ZNF124: variants seen among roughly 807,000 people sequenced by gnomAD.
The protein encoded by ZNF124 is zinc finger protein HZF-16.
ZNF124 carries 25 observed loss-of-function variants against 26.6 expected under a neutral mutation model. The observed-to-expected ratio is 0.94, with a 90% confidence interval of 0.68 to 1.31. The LOEUF is 1.31. ZNF124 is among the 40% of genes most tolerant of loss of function. The pLI is 0.00. For missense variants in ZNF124, 444 were observed against 422.2 expected, an observed-to-expected ratio of 1.05 and a Z score of -0.45; for synonymous variants, 129 against 133.3, an observed-to-expected ratio of 0.97 and a Z score of 0.22.
chr1:247,163,186 C>T (rs1673582567), intron 1 of ZNF124, among the ~76,000 whole-genome samples: 1 of 152,026 alleles, frequency 6.6e-6, no homozygotes, highest in South Asian at 2.1e-4. Flanking sequence ...TAAATGCCCA[C>T]ATCAAAAACT....
rs1287151183 is a variant in ZNF124 at position 247,170,641 on chromosome 1, T to G, written c.30+1207A>C. ...AGACTCACGTCTCCAAAAACCCAGC[T>G]CCCCAAGTGAGCAATTCCTGTCCCT... is the stretch of plus-strand genomic sequence containing the variant. On this transcript the variant is annotated intron_variant, in intron 1 of 3. Transcript: ENST00000543802. 2.1e-5 allele frequency among the ~76,000 whole-genome samples: 3 copies of G among 142,794 alleles called. 1 individual carries two copies. Among genetic ancestry groups the G allele is most frequent in the African/African-American group, 8.6e-5 (3 of 34,862 alleles). 93.7% of individuals were successfully genotyped at this position (142,794 alleles called of 152,430 possible).
chr1:247,135,434 A>G (rs979077483), intron 3 of ZNF124, among the ~76,000 whole-genome samples: 1 of 152,212 alleles, frequency 6.6e-6, no homozygotes, highest in African/African-American at 2.4e-5. Context: ...TAGAAAATCT[A>G]GAAGAAATGG....
chr1:247,157,415 T>A lies in ZNF124; in HGVS notation c.219-12A>T. ...GAGATATGATGTGCCTATGAAGGGA[T>A]GAATGACGTATGAAGAATTTTTCAC... On this transcript the variant is annotated splice_polypyrimidine_tract_variant and intron_variant, in intron 3 of 3. Coordinates refer to ENST00000543802, the MANE Select transcript of ZNF124 (RefSeq NM_001297568.2). 1 of 1,551,406 alleles carries A rather than the reference T, an allele frequency of 6.4e-7. No individual in the cohort carries two copies. Among genetic ancestry groups the A allele is most frequent in the Non-Finnish European group, 8.7e-7 (1 of 1,146,514 alleles).
intron 3 of ZNF124, among the ~76,000 whole-genome samples, chr1:247,145,220 T>C (rs909275585): frequency 6.6e-6 from 1 of 152,146 alleles, no homozygotes; most frequent in African/African-American, 2.4e-5. Flanking sequence ...AGTCAACAAA[T>C]TGTAACATAT....
intron 3 of ZNF124, among the ~76,000 whole-genome samples, chr1:247,134,050 A>G (rs1320676656): frequency 6.6e-5 from 10 of 152,180 alleles, no homozygotes; most frequent in Non-Finnish European, 1.3e-4. Context: ...TTCCAGACAA[A>G]TGCTGAAGGA....
intron 3 of ZNF124, among the ~76,000 whole-genome samples, chr1:247,147,394 T>C (rs1364011148): frequency 6.6e-6 from 1 of 151,844 alleles, no homozygotes; most frequent in African/African-American, 2.4e-5. Flanking sequence ...GCCTGGCTAA[T>C]TTTTGTATTT....
downstream of ZNF124, among the ~76,000 whole-genome samples, chr1:247,153,589 C>T (rs1212826079): frequency 6.6e-6 from 1 of 152,168 alleles, no homozygotes; most frequent in Non-Finnish European, 1.5e-5. Context: ...CGGATTTCTA[C>T]TCATGTAAAG....
At chr1:247,159,920 A>T in intron 1 of ZNF124, 107 bp from the exon 2 acceptor site, 1 of 1,391,990 alleles carries the variant, frequency 7.2e-7, no homozygotes, top group Non-Finnish European at 9.6e-7. Flanking sequence ...CATTTATTCT[A>T]CTATTTGGTC....
At position 247,137,715 on chromosome 1, in the gene ZNF124, C is replaced by T. The variant is rs1572062308; in HGVS notation, c.219-13844G>A. ...AAATTTCTGGAATCTATCCATCTGA[C>T]AAAGGTCTAATATCCAGAATTTACA... On this transcript the variant is annotated intron_variant, in intron 3 of 3. Transcript: ENST00000472531. Among the ~76,000 whole-genome samples the T allele has an allele frequency of 1.3e-5, 2 of 151,950 alleles. 1 individual carries two copies. The highest frequency in any genetic ancestry group is 6.8e-3 in the Middle Eastern group (2 of 294).
At chr1:247,132,063 A>G (rs1236401060) in intron 3 of ZNF124, among the ~76,000 whole-genome samples, 1 of 152,164 alleles carries the variant, frequency 6.6e-6, no homozygotes, top group East Asian at 1.9e-4. Context: ...GAAGTCCCAG[A>G]AGGAGGAGCA....
chr1:247,166,188 A>G (rs886980169), intron 1 of ZNF124, among the ~76,000 whole-genome samples: 1 of 152,230 alleles, frequency 6.6e-6, no homozygotes, highest in African/African-American at 2.4e-5. Context: ...CAAAAAAATA[A>G]TAAAGTGAAA....
chr1:247,164,871 C>T (rs1673686936), intron 1 of ZNF124, among the ~76,000 whole-genome samples: 1 of 152,170 alleles, frequency 6.6e-6, no homozygotes, highest in Non-Finnish European at 1.5e-5. Flanking sequence ...TACAAAGCTA[C>T]TGTAACCAAA....
At position 247,157,340 on chromosome 1, in the gene ZNF124, A is replaced by C. The variant is rs1316945086; in HGVS notation, c.282T>G (p.Cys94Trp). ...AAGTTTTCTGACATTGTTTACATGT[A>C]CATGGCTTCTTTCCGCATTCCTCAC... ...YGCEECGKKP[C>W]TCKQCQKTSL... The change falls in exon 4 of 4, where the codon TGT (cysteine) becomes TGG (tryptophan). Residue 94 changes from cysteine to tryptophan, a missense_variant. Coordinates refer to ENST00000543802, the MANE Select transcript of ZNF124 (RefSeq NM_001297568.2). The C allele has an allele frequency of 6.4e-7, 1 of 1,562,912 alleles. No homozygotes were observed. The highest frequency in any genetic ancestry group is 8.7e-7 in the Non-Finnish European group (1 of 1,152,392).
intron 3 of ZNF124, among the ~76,000 whole-genome samples, chr1:247,136,020 A>G (rs1672473328): frequency 6.6e-6 from 1 of 152,222 alleles, no homozygotes; most frequent in Admixed American, 6.5e-5. Context: ...TATTGATGGA[A>G]CATATCTCAA....
intron 2 of ZNF124, 120 bp from the exon 3 acceptor site, chr1:247,159,186 T>C: frequency 1.2e-6 from 1 of 863,312 alleles, no homozygotes; most frequent in Non-Finnish European, 1.7e-6. Context: ...TGTAATTTGG[T>C]CATCAATATG....
rs1007229697 is a variant in ZNF124 at position 247,157,526 on chromosome 1, C to T, written c.219-123G>A. 8.2e-6 allele frequency: 7 copies of T among 855,496 alleles called. No individual in the cohort carries two copies. In the African/African-American group the frequency reaches 1.2e-4, roughly 14 times the overall value. The allele number at this position is 855,496 out of a possible 1,614,324, so 53.0% of individuals were successfully genotyped here. On this transcript the variant is annotated intron_variant, in intron 3 of 3. Coordinates refer to ENST00000543802, the MANE Select transcript of ZNF124 (RefSeq NM_001297568.2). ...GCATCTGGAGGTTTTTCTACACTGA[C>T]TTATTTAATTTTACACAGTATGTCT...
intron 3 of ZNF124, among the ~76,000 whole-genome samples, chr1:247,131,111 C>T (rs1672351788): frequency 6.6e-6 from 1 of 152,192 alleles, no homozygotes. Context: ...GTGAATCCTT[C>T]ACCAGCAACC....
chr1:247,131,451 C>T lies in ZNF124; in HGVS notation c.219-7580G>A, dbSNP rs921127901. On this transcript the variant is annotated intron_variant, in intron 3 of 3. Transcript: ENST00000472531. ...AGGGGGAGGGGCAACCAGCACTGGC[C>T]GTGGCTGCCTGCTGTCTAAGCCATT... Among the ~76,000 whole-genome samples the T allele has an allele frequency of 3.3e-5, 5 of 152,140 alleles. No individual in the cohort carries two copies. In the South Asian group the frequency reaches 8.3e-4, roughly 25 times the overall value.
intron 2 of ZNF124, 152 bp from the exon 3 acceptor site, chr1:247,159,218 G>C: frequency 1.5e-6 from 1 of 649,944 alleles, no homozygotes. Context: ...TGTGTTATGG[G>C]TACAGATTCC....
Sources: allele counts gnomAD v4.1 joint callset (sites outside exome capture counted in the v4.1 genomes callset), GRCh38; gene constraint gnomAD v4.1.1; transcripts MANE v1.5; gene names NCBI Gene and HGNC (gene_info 2026-07-23, HGNC 2026-07-21).